Variants in CELF4 observed in about 807,000 individuals in gnomAD.
CELF4 encodes CUG-BP- and ETR-3-like factor 4.
CELF4 carries 18 observed loss-of-function variants against 59.9 expected under a neutral mutation model. The observed-to-expected ratio is 0.30, with a 90% CI of 0.21 to 0.45. CELF4 has a LOEUF of 0.45. Among genes scored for constraint, CELF4 ranks in the 20% least tolerant of loss-of-function variants. CELF4 has a pLI of 1.00. For synonymous variants in CELF4, 261 were observed against 267.1 expected, an observed-to-expected ratio of 0.98 and a Z score of 0.22; for missense variants, 456 against 689.0, an observed-to-expected ratio of 0.66 and a Z score of 3.79.
At chr18:37,374,941 G>C (rs2098948998) in intron 2 of CELF4, among the ~76,000 whole-genome samples, 1 of 152,232 alleles carries the variant, frequency 6.6e-6, no homozygotes, top group South Asian at 2.1e-4. Context: ...AGGCACTCTT[G>C]CAGTTGGAGC....
At chr18:37,310,713 G>A (rs534832160) in intron 3 of CELF4, among the ~76,000 whole-genome samples, 7 of 152,318 alleles carry the variant, frequency 4.6e-5, no homozygotes, top group East Asian at 1.9e-4. Context: ...TTCCCAGTGC[G>A]GTGTGCCGGG....
intron 1 of CELF4, among the ~76,000 whole-genome samples, chr18:37,545,887 T>G (rs904637627): frequency 9.9e-5 from 15 of 152,152 alleles, no homozygotes; most frequent in Non-Finnish European, 7.4e-5. Context: ...TGTGAGAAGA[T>G]GCCACAGATG....
intron 2 of CELF4, among the ~76,000 whole-genome samples, chr18:37,441,302 T>TGG (rs1461584885): frequency 6.6e-6 from 1 of 151,856 alleles, no homozygotes; most frequent in East Asian, 1.9e-4. Flanking sequence ...TGTGTGTGTG[T>TGG]GTGTGTGTAC....
At chr18:37,324,600 A>C (rs1490632061) in intron 2 of CELF4, among the ~76,000 whole-genome samples, 1 of 152,148 alleles carries the variant, frequency 6.6e-6, no homozygotes, top group Non-Finnish European at 1.5e-5. Flanking sequence ...TAAGCCCCCT[A>C]GTTCATGAAG....
chr18:37,462,484 C>G (rs1325571302), intron 2 of CELF4, among the ~76,000 whole-genome samples: 1 of 152,200 alleles, frequency 6.6e-6, no homozygotes, highest in Non-Finnish European at 1.5e-5. Context: ...GTGGATGCAC[C>G]CTGAGATCTC....
In CELF4 at chr18:37,405,101, G is replaced by T. The variant is rs968655265; in HGVS notation, c.369+80424C>A. Among the ~76,000 whole-genome samples the T allele has an allele frequency of 3.4e-5, 5 of 148,330 alleles. No individual in the cohort carries two copies. In the East Asian group the frequency reaches 9.7e-4, roughly 29 times the overall value. On this transcript the variant is annotated intron_variant, in intron 2 of 12. Coordinates refer to ENST00000420428, the MANE Select transcript of CELF4 (RefSeq NM_020180.4). ...CTGAAAGCAGGCCCCAACCCCCCCC[G>T]TGTCCTTTCCTTCAGATTCCTGGTT...
intron 1 of CELF4, among the ~76,000 whole-genome samples, chr18:37,565,152 C>T (rs984537209): frequency 6.6e-6 from 1 of 152,146 alleles, no homozygotes; most frequent in Middle Eastern, 3.2e-3. Flanking sequence ...CCTATCAGCA[C>T]CTCGCCCAAA....
rs1357905383 is a variant in CELF4, at chr18:37,253,310, TA to T, written c.*44+456del. Among the ~76,000 whole-genome samples the T allele has an allele frequency of 2.0e-5, 3 of 152,170 alleles. No individual in the cohort carries two copies. The highest frequency in any genetic ancestry group is 4.4e-5 in the Non-Finnish European group (3 of 68,020). On this transcript the variant is annotated intron_variant, in intron 12 of 12. Coordinates refer to ENST00000420428, the MANE Select transcript of CELF4 (RefSeq NM_020180.4). The surrounding 1 kb of genome is among the most constrained non-coding windows in gnomAD (Gnocchi z 4.5). ...GACAGGGGTGCAGGGGTCAAGTGTCTAAAGGCTACCAGCCCTCCTGGAAGAA... is the reference window on the plus strand; with the variant it reads ...GACAGGGGTGCAGGGGTCAAGTGTCTAAGGCTACCAGCCCTCCTGGAAGAA...
intron 8 of CELF4, among the ~76,000 whole-genome samples, chr18:37,267,004 C>T (rs780814494): frequency 1.3e-5 from 2 of 152,068 alleles, no homozygotes; most frequent in Non-Finnish European, 2.9e-5. Context: ...GGGCTGGCAG[C>T]CCCCAGTGGG....
At chr18:37,418,569 G>A (rs543576549) in intron 2 of CELF4, among the ~76,000 whole-genome samples, 1 of 152,334 alleles carries the variant, frequency 6.6e-6, no homozygotes, top group Admixed American at 6.5e-5. Context: ...AAGCAGTGAA[G>A]AAGGACCCAG....
chr18:37,257,085 G>GA lies in CELF4; in HGVS notation c.1333+2095dup, dbSNP rs937181659. Among the ~76,000 whole-genome samples the GA allele has an allele frequency of 2.9e-3, 440 of 151,054 alleles. 3 individuals carry two copies. Among genetic ancestry groups the GA allele is most frequent in the Non-Finnish European group, 4.4e-3 (297 of 67,728 alleles). On this transcript the variant is annotated intron_variant, in intron 11 of 12. Transcript: ENST00000420428. Reference sequence around the variant, plus strand: ...AGATTAGAGGTATACTAATTAGAGAGAAAAAAAAACTGTAGTCCTGGCTAA... The same window carrying GA: ...AGATTAGAGGTATACTAATTAGAGAGAAAAAAAAAACTGTAGTCCTGGCTAA...
intron 3 of CELF4, among the ~76,000 whole-genome samples, chr18:37,312,502 A>G (rs1175391030): frequency 1.3e-5 from 2 of 152,196 alleles, no homozygotes; most frequent in Non-Finnish European, 2.9e-5. Flanking sequence ...GGATTCAAGT[A>G]TACAAAAGAT....
chr18:37,530,749 G>A (rs2099968710), intron 1 of CELF4, among the ~76,000 whole-genome samples: 1 of 152,142 alleles, frequency 6.6e-6, no homozygotes, highest in African/African-American at 2.4e-5. Context: ...TAACGCCCGT[G>A]CGGCTCTGTC....
Position 37,244,081 on chromosome 18 carries a change from A to G in CELF4, c.*1161T>C, listed in dbSNP as rs2061209046. ...GGAGAAGGGATTGATGCTCTGTCTA[A>G]ACTCTACAAAAGTACAGTCCTACAA... On this transcript the variant is annotated 3_prime_UTR_variant, in exon 13 of 13. Coordinates refer to ENST00000420428, the MANE Select transcript of CELF4 (RefSeq NM_020180.4). 6.4e-6 allele frequency: 1 copy of G among 155,742 alleles called. No homozygotes were observed. Among genetic ancestry groups the G allele is most frequent in the Non-Finnish European group, 1.4e-5 (1 of 70,102 alleles). The allele number at this position is 155,742 out of a possible 1,614,324, so 9.6% of individuals were successfully genotyped here. A position where few individuals can be genotyped will look rare whatever the true frequency, so the allele number is the denominator to read the frequency against.
intron 2 of CELF4, among the ~76,000 whole-genome samples, chr18:37,361,408 T>TG (rs762817745): frequency 5.3e-5 from 8 of 152,064 alleles, no homozygotes; most frequent in Non-Finnish European, 1.2e-4. Context: ...GAAGCTGGGG[T>TG]GGGGTTTGGC....
At chr18:37,514,426 A>C (rs1322046068) in intron 1 of CELF4, among the ~76,000 whole-genome samples, 1 of 152,166 alleles carries the variant, frequency 6.6e-6, no homozygotes, top group Non-Finnish European at 1.5e-5. Flanking sequence ...CTTATTGAAC[A>C]CTTATTGCAT....
chr18:37,458,690 G>A (rs1344093708), intron 2 of CELF4, among the ~76,000 whole-genome samples: 1 of 152,136 alleles, frequency 6.6e-6, no homozygotes, highest in Non-Finnish European at 1.5e-5. Flanking sequence ...TGTAGAGTCT[G>A]TTGTTTGCAG....
At chr18:37,525,822 C>T (rs929943304) in intron 1 of CELF4, among the ~76,000 whole-genome samples, 5 of 152,296 alleles carry the variant, frequency 3.3e-5, no homozygotes, top group Middle Eastern at 3.4e-3. Context: ...TTAAAAACCC[C>T]TTTCACAAGA....
intron 2 of CELF4, among the ~76,000 whole-genome samples, chr18:37,332,399 C>A (rs1343168330): frequency 1.3e-5 from 2 of 152,184 alleles, no homozygotes; most frequent in Non-Finnish European, 2.9e-5. Flanking sequence ...ATGCAACAGG[C>A]AGCTCTGCTC....
Sources: allele counts gnomAD v4.1 joint callset (sites outside exome capture counted in the v4.1 genomes callset), GRCh38; gene constraint gnomAD v4.1.1; non-coding constraint Gnocchi (gnomAD v3.1); transcripts MANE v1.5; gene names NCBI Gene and HGNC (gene_info 2026-07-23, HGNC 2026-07-21).